Variants in MSI2 observed in about 807,000 individuals in gnomAD.
MSI2 encodes the protein musashi RNA binding protein 2.
Under a neutral mutation model 45.6 loss-of-function variants are expected in MSI2, and 17 were observed. That is an observed-to-expected ratio of 0.37 (90% CI 0.26 to 0.56). The LOEUF (loss-of-function observed/expected upper bound fraction) is 0.56, where lower values mean the gene tolerates loss of function less well. Among genes scored for constraint, MSI2 ranks in the 20% least tolerant of loss-of-function variants. The pLI is 0.77. For synonymous variants in MSI2, 156 were observed against 158.2 expected (o/e 0.99, Z 0.11); for missense variants, 293 against 444.2 (o/e 0.66, Z 3.06).
At chr17:57,360,633 T>A (rs1318130443) in intron 5 of MSI2, among the ~76,000 whole-genome samples, 2 of 152,264 alleles carry the variant, frequency 1.3e-5, no homozygotes, top group African/African-American at 2.4e-5. Flanking sequence ...GAACTAGGCT[T>A]TATGCCCATG....
At chr17:57,326,761 G>A (rs980347290) in intron 5 of MSI2, among the ~76,000 whole-genome samples, 3 of 152,216 alleles carry the variant, frequency 2.0e-5, no homozygotes, top group African/African-American at 7.2e-5. Flanking sequence ...GAAAACCAAG[G>A]CAGCTGCTGC....
intron 7 of MSI2, among the ~76,000 whole-genome samples, chr17:57,574,371 A>G (rs919313886): frequency 1.3e-5 from 2 of 152,228 alleles, no homozygotes; most frequent in African/African-American, 4.8e-5. Flanking sequence ...GGAGCTAAGA[A>G]CCAGAGTGCA....
At position 57,627,194 on chromosome 17, in the gene MSI2, C is replaced by T; in HGVS notation, c.653-35C>T. The stretch of plus-strand genomic sequence containing the variant: ...TTACCCCAGACCTGAGGCGGCTGTA[C>T]TAACAGGACTCTGATCTTTCTCTTT... On this transcript the variant is annotated intron_variant, in intron 9 of 13. Coordinates refer to ENST00000284073, the MANE Select transcript of MSI2 (RefSeq NM_138962.4). This position sits in a 1 kb window ranked among gnomAD's most constrained non-coding sequence, Gnocchi z 4.6. The T allele has an allele frequency of 6.2e-7, 1 of 1,602,394 alleles. No homozygotes were observed. The highest frequency in any genetic ancestry group is 8.6e-7 in the Non-Finnish European group (1 of 1,169,270).
At chr17:57,508,958 A>G (rs2086294074) in intron 6 of MSI2, among the ~76,000 whole-genome samples, 1 of 152,208 alleles carries the variant, frequency 6.6e-6, no homozygotes, top group African/African-American at 2.4e-5. Flanking sequence ...ATCTTCGATG[A>G]AAAATGGTTT....
At chr17:57,410,959 A>T (rs1449225776) in intron 6 of MSI2, among the ~76,000 whole-genome samples, 2 of 152,308 alleles carry the variant, frequency 1.3e-5, no homozygotes, top group Non-Finnish European at 1.5e-5. Context: ...GAGCTTGCAG[A>T]TTCTCTGATA....
intron 5 of MSI2, among the ~76,000 whole-genome samples, chr17:57,335,138 G>T (rs1239164598): frequency 1.3e-5 from 2 of 152,182 alleles, no homozygotes; most frequent in African/African-American, 2.4e-5. Context: ...TTTTGGCTTT[G>T]TTGGTGTCTT....
intron 6 of MSI2, among the ~76,000 whole-genome samples, chr17:57,514,145 G>A (rs2086417193): frequency 1.3e-5 from 2 of 152,120 alleles, no homozygotes; most frequent in East Asian, 1.9e-4. Flanking sequence ...CAGGACGTTG[G>A]CCCCTGTACT....
intron 5 of MSI2, among the ~76,000 whole-genome samples, chr17:57,290,158 C>T (rs1227912824): frequency 6.6e-6 from 1 of 152,102 alleles, no homozygotes; most frequent in Non-Finnish European, 1.5e-5. Flanking sequence ...TCAGTTTTCT[C>T]ATCTATAACA....
intron 8 of MSI2, among the ~76,000 whole-genome samples, chr17:57,607,535 C>T (rs1906744850): frequency 6.6e-6 from 1 of 152,222 alleles, no homozygotes; most frequent in South Asian, 2.1e-4. Flanking sequence ...ACGCTGGTCC[C>T]TGTCCACAAG....
At chr17:57,282,778 A>T (rs1473734655) in intron 5 of MSI2, among the ~76,000 whole-genome samples, 1 of 131,678 alleles carries the variant, frequency 7.6e-6, no homozygotes, top group Non-Finnish European at 1.5e-5. Context: ...GATATTATTC[A>T]CTTTCTCTAA....
intron 6 of MSI2, among the ~76,000 whole-genome samples, chr17:57,401,936 A>G (rs1266333379): frequency 6.6e-6 from 1 of 152,292 alleles, no homozygotes; most frequent in Middle Eastern, 3.4e-3. Context: ...CAAATGCCCA[A>G]GGAGACTCGG....
At chr17:57,523,292 C>A (rs527354167) in intron 6 of MSI2, among the ~76,000 whole-genome samples, 2 of 152,318 alleles carry the variant, frequency 1.3e-5, no homozygotes, top group Admixed American at 6.5e-5. Context: ...CAGTGACCTG[C>A]CCACCTCTGC....
At chr17:57,586,012 C>CA (rs908827205) in intron 7 of MSI2, among the ~76,000 whole-genome samples, 2 of 152,368 alleles carry the variant, frequency 1.3e-5, no homozygotes, top group Admixed American at 1.3e-4. Flanking sequence ...CACTGCGTCC[C>CA]AGAGTTTATA....
At chr17:57,610,074 G>A (rs906186929) in intron 8 of MSI2, among the ~76,000 whole-genome samples, 5 of 152,220 alleles carry the variant, frequency 3.3e-5, no homozygotes, top group Non-Finnish European at 5.9e-5. Context: ...AATGTTAAAC[G>A]TACTGAGACT....
chr17:57,558,097 G>A (rs2087480774), intron 7 of MSI2, among the ~76,000 whole-genome samples: 1 of 152,182 alleles, frequency 6.6e-6, no homozygotes, highest in Admixed American at 6.5e-5. Flanking sequence ...CTTGCCTGCT[G>A]CTGGCGTGGG....
intron 6 of MSI2, among the ~76,000 whole-genome samples, chr17:57,421,185 G>A (rs1028130383): frequency 1.3e-4 from 19 of 151,998 alleles, no homozygotes; most frequent in Non-Finnish European, 1.8e-4. Context: ...TGATAGCCTG[G>A]CTTCCTCCAC....
At chr17:57,697,653 G>A in the MSI2 span, among the ~76,000 whole-genome samples, 1 of 152,144 alleles carries the variant, frequency 6.6e-6, no homozygotes, top group African/African-American at 2.4e-5. Context: ...ACGTAGTTGG[G>A]GAGGCCTCAC....
chr17:57,502,826 C>T (rs993511504), intron 6 of MSI2, among the ~76,000 whole-genome samples: 3 of 151,698 alleles, frequency 2.0e-5, no homozygotes, highest in Non-Finnish European at 4.4e-5. Flanking sequence ...CTGCTCTGAC[C>T]TTACAGCCCA....
chr17:57,668,350 G>A (rs994603869), intron 11 of MSI2, among the ~76,000 whole-genome samples: 2 of 152,128 alleles, frequency 1.3e-5, no homozygotes, highest in Non-Finnish European at 2.9e-5. Flanking sequence ...TCTCCTGAGG[G>A]TTTTGGGGGA....
Sources: gnomAD v4.1 joint callset for allele counts (sites outside exome capture counted in the v4.1 genomes callset) on GRCh38, gnomAD v4.1.1 for gene constraint, Gnocchi (gnomAD v3.1) non-coding constraint, MANE v1.5 for transcripts, NCBI Gene and HGNC (gene_info 2026-07-23, HGNC 2026-07-21) for gene names.